DIS3L2: variants seen among roughly 807,000 people sequenced by gnomAD.
The protein encoded by DIS3L2 is DIS3-like exonuclease 2.
Under a neutral mutation model 97.5 loss-of-function variants are expected in DIS3L2, and 34 were observed. That is an observed-to-expected ratio of 0.35 (90% CI 0.27 to 0.46). The LOEUF is 0.46. Ranked by LOEUF, DIS3L2 falls within the 20% of genes least tolerant of loss-of-function variation. The pLI is 1.00. For synonymous variants in DIS3L2, 435 were observed against 445.2 expected, an observed-to-expected ratio of 0.98 and a Z score of 0.29; for missense variants, 1,038 against 1,146.0, an observed-to-expected ratio of 0.91 and a Z score of 1.36.
intron 14 of DIS3L2, among the ~76,000 whole-genome samples, chr2:232,322,780 G>A (rs1695472904): frequency 6.6e-6 from 1 of 152,212 alleles, no homozygotes; most frequent in African/African-American, 2.4e-5. Context: ...CGGAGAGAAA[G>A]AAAGACCTGT....
chr2:232,071,187 T>G (rs1332258442), intron 5 of DIS3L2, among the ~76,000 whole-genome samples: 4 of 152,236 alleles, frequency 2.6e-5, no homozygotes, highest in African/African-American at 7.2e-5. Flanking sequence ...TCACAAAGAA[T>G]CAGAAAGAGA....
intron 6 of DIS3L2, among the ~76,000 whole-genome samples, chr2:232,125,269 TTTTGTCTCCCTTCCAACATA>T (rs1698026947): frequency 6.6e-6 from 1 of 152,242 alleles, no homozygotes; most frequent in Admixed American, 6.5e-5. Context: ...TTGTTTGCAT[TTTTGTCTCCCTTCCAACATA>T]GGAGCGAGCT....
At chr2:232,270,827 A>T (rs1693966662) in intron 13 of DIS3L2, among the ~76,000 whole-genome samples, 1 of 149,396 alleles carries the variant, frequency 6.7e-6, no homozygotes, top group Non-Finnish European at 1.5e-5. Flanking sequence ...GCCTACACGG[A>T]GCTCTGGCGC....
chr2:232,070,587 CTTTT>C (rs112525730), intron 5 of DIS3L2, among the ~76,000 whole-genome samples: 1 of 139,642 alleles, frequency 7.2e-6, no homozygotes. Flanking sequence ...GGTTATGGTT[CTTTT>C]TTTTTTTTTT....
At chr2:232,205,819 G>A (rs1692013281) in intron 9 of DIS3L2, among the ~76,000 whole-genome samples, 1 of 152,136 alleles carries the variant, frequency 6.6e-6, no homozygotes, top group Admixed American at 6.5e-5. Context: ...AGTTCATATA[G>A]CATAAAAAGG....
chr2:232,200,780 GTTTTTTTTT>G (rs1183177130), intron 9 of DIS3L2, among the ~76,000 whole-genome samples: 2 of 124,772 alleles, frequency 1.6e-5, no homozygotes, highest in Non-Finnish European at 3.5e-5. Flanking sequence ...TGACCAAAAG[GTTTTTTTTT>G]TTTTTTTTTT....
At chr2:232,202,899 C>G (rs1013004980) in intron 9 of DIS3L2, among the ~76,000 whole-genome samples, 5 of 152,220 alleles carry the variant, frequency 3.3e-5, no homozygotes, top group Non-Finnish European at 5.9e-5. Context: ...AGAAAAGGCG[C>G]AGCCCCACTG....
intron 10 of DIS3L2, among the ~76,000 whole-genome samples, chr2:232,226,404 A>T (rs1335320811): frequency 6.6e-6 from 1 of 152,230 alleles, no homozygotes; most frequent in Non-Finnish European, 1.5e-5. Context: ...AACCTCTCTG[A>T]GTCTGAATGT....
intron 5 of DIS3L2, among the ~76,000 whole-genome samples, chr2:232,035,346 G>A (rs936585608): frequency 1.1e-4 from 17 of 152,056 alleles, no homozygotes; most frequent in African/African-American, 4.1e-4. Context: ...CTTTCCATTT[G>A]CTTGGTAAAT....
chr2:232,129,385 T>C (rs1698158349), intron 6 of DIS3L2, among the ~76,000 whole-genome samples: 2 of 152,188 alleles, frequency 1.3e-5, no homozygotes, highest in African/African-American at 4.8e-5. Context: ...TCTACAATTA[T>C]AAAAAATGTT....
chr2:232,112,330 A>T (rs1697562320), intron 6 of DIS3L2, among the ~76,000 whole-genome samples: 1 of 152,194 alleles, frequency 6.6e-6, no homozygotes, highest in African/African-American at 2.4e-5. Context: ...CTATTTTACA[A>T]CTTTAAAAAT....
In DIS3L2 at chr2:232,222,223, G is replaced by A. The variant is rs193236834; in HGVS notation, c.1204+11818G>A. Reference sequence around the variant, plus strand: ...TTCCCAAAGTGCTGGGATTACAGGCGTGAGCCACCACGCCCAGCTTTGTGA... The same window carrying A: ...TTCCCAAAGTGCTGGGATTACAGGCATGAGCCACCACGCCCAGCTTTGTGA... On this transcript the variant is annotated intron_variant, in intron 10 of 20. Coordinates refer to ENST00000325385, the MANE Select transcript of DIS3L2 (RefSeq NM_152383.5). 1.1e-3 allele frequency among the ~76,000 whole-genome samples: 172 copies of A among 152,216 alleles called. 2 individuals are homozygous for A. Among genetic ancestry groups the A allele is most frequent in the Non-Finnish European group, 2.4e-4 (16 of 68,022 alleles).
At chr2:232,052,980 A>T (rs1695451130) in intron 5 of DIS3L2, among the ~76,000 whole-genome samples, 1 of 152,216 alleles carries the variant, frequency 6.6e-6, no homozygotes, top group Admixed American at 6.5e-5. Context: ...GTTCTGCGTT[A>T]GGCACTCTTC....
chr2:232,318,622 C>T (rs1056916595), intron 14 of DIS3L2, among the ~76,000 whole-genome samples: 4 of 152,144 alleles, frequency 2.6e-5, no homozygotes, highest in African/African-American at 4.8e-5. Flanking sequence ...AAGGCCAGCG[C>T]GGCAGGGTGC....
chr2:232,143,603 C>T (rs192457228), intron 8 of DIS3L2, among the ~76,000 whole-genome samples: 4 of 152,090 alleles, frequency 2.6e-5, no homozygotes, highest in African/African-American at 9.6e-5. Flanking sequence ...GTTTCACCCC[C>T]GGAAACGATC....
chr2:232,157,243 C>G (rs1171292104), intron 8 of DIS3L2, among the ~76,000 whole-genome samples: 1 of 152,108 alleles, frequency 6.6e-6, no homozygotes, highest in African/African-American at 2.4e-5. Flanking sequence ...ATTATGTAGG[C>G]AAAACTAAAT....
At chr2:232,048,996 A>G (rs1251471284) in intron 5 of DIS3L2, among the ~76,000 whole-genome samples, 7 of 152,302 alleles carry the variant, frequency 4.6e-5, no homozygotes, top group East Asian at 3.9e-4. Context: ...ATATAGACAC[A>G]TAGTTTAGTA....
At chr2:232,118,987 T>A (rs1697812168) in intron 6 of DIS3L2, among the ~76,000 whole-genome samples, 1 of 152,228 alleles carries the variant, frequency 6.6e-6, no homozygotes, top group Admixed American at 6.5e-5. Flanking sequence ...CACTTGGTAG[T>A]CCTCCTGTTT....
intron 6 of DIS3L2, among the ~76,000 whole-genome samples, chr2:232,118,331 T>C (rs187304804): frequency 1.2e-4 from 19 of 152,326 alleles, no homozygotes; most frequent in Admixed American, 6.5e-4. Flanking sequence ...TGGGGGATTA[T>C]TGGGGACCAT....
Sources: allele counts gnomAD v4.1 joint callset (sites outside exome capture counted in the v4.1 genomes callset), GRCh38; gene constraint gnomAD v4.1.1; transcripts MANE v1.5; gene names NCBI Gene and HGNC (gene_info 2026-07-23, HGNC 2026-07-21).